ATP8A2: variants seen among roughly 807,000 people sequenced by gnomAD.
ATP8A2 encodes the protein phospholipid-transporting ATPase IB.
Under a neutral mutation model 165.6 loss-of-function variants are expected in ATP8A2, and 100 were observed. The ratio of observed to expected loss-of-function variants is 0.60; its 90% confidence interval spans 0.51 to 0.71. ATP8A2 has a LOEUF of 0.71. Ranked by LOEUF, ATP8A2 falls within the 30% of genes least tolerant of loss-of-function variation. The pLI is 0.00. For missense variants in ATP8A2, 1,227 were observed against 1,479.5 expected, an observed-to-expected ratio of 0.83 and a Z score of 2.80; for synonymous variants, 543 against 548.8, an observed-to-expected ratio of 0.99 and a Z score of 0.15.
intron 33 of ATP8A2, among the ~76,000 whole-genome samples, chr13:25,874,025 T>G (rs1054915780): frequency 6.6e-6 from 1 of 152,236 alleles, no homozygotes; most frequent in Non-Finnish European, 1.5e-5. Context: ...ACAATTGCAG[T>G]AGTCTCATGA....
intron 2 of ATP8A2, among the ~76,000 whole-genome samples, chr13:25,527,752 A>G (rs2037887359): frequency 6.6e-6 from 1 of 152,000 alleles, no homozygotes; most frequent in Admixed American, 6.6e-5. Context: ...TCAACTCTCC[A>G]TCTTCATGGT....
At chr13:25,627,550 G>A (rs1181808737) in intron 24 of ATP8A2, among the ~76,000 whole-genome samples, 1 of 152,128 alleles carries the variant, frequency 6.6e-6, no homozygotes, top group Non-Finnish European at 1.5e-5. Flanking sequence ...CCATCTCAAC[G>A]CCATGTGAGA....
chr13:25,394,093 T>C (rs914993595), intron 1 of ATP8A2, among the ~76,000 whole-genome samples: 3 of 152,264 alleles, frequency 2.0e-5, no homozygotes, highest in Non-Finnish European at 2.9e-5. Flanking sequence ...GAATGATCAC[T>C]GTAACTGTCA....
intron 35 of ATP8A2, among the ~76,000 whole-genome samples, chr13:26,005,758 G>A (rs1311867027): frequency 6.6e-6 from 1 of 151,970 alleles, no homozygotes. Flanking sequence ...AGCACCATTT[G>A]CTGGAGAGAT....
chr13:25,450,756 C>T (rs1437539244), intron 1 of ATP8A2, among the ~76,000 whole-genome samples: 3 of 152,024 alleles, frequency 2.0e-5, no homozygotes, highest in African/African-American at 7.3e-5. Context: ...TGGTCTCAAT[C>T]TCCTGACCTC....
intron 1 of ATP8A2, among the ~76,000 whole-genome samples, chr13:25,465,737 T>TCCC (rs1566153581): frequency 3.7e-3 from 21 of 5,614 alleles, no homozygotes; most frequent in South Asian, 9.6e-3. Flanking sequence ...CTTTCTTTCT[T>TCCC]TCCCTCCCTC....
At chr13:25,386,410 T>A (rs1291721674) in intron 1 of ATP8A2, among the ~76,000 whole-genome samples, 1 of 152,190 alleles carries the variant, frequency 6.6e-6, no homozygotes, top group Non-Finnish European at 1.5e-5. Flanking sequence ...GATGGGAATA[T>A]CGAGGCAGGC....
In ATP8A2 at chr13:25,415,156, A is replaced by G. The variant is rs150491836; in HGVS notation, c.76+42868A>G. ...TACAGATCCAATAGCACAGAATGTT[A>G]TTCACTGTCACGTTTGCCTATGAAC... On this transcript the variant is annotated intron_variant, in intron 1 of 36. Transcript: ENST00000381655. Among the ~76,000 whole-genome samples the G allele has an allele frequency of 5.6e-3, 859 of 152,354 alleles. 8 individuals carry two copies. The highest frequency in any genetic ancestry group is 0.02 in the African/African-American group (812 of 41,588).
intron 27 of ATP8A2, among the ~76,000 whole-genome samples, chr13:25,824,492 G>T (rs530999081): frequency 6.6e-6 from 1 of 152,122 alleles, no homozygotes. Flanking sequence ...TTTCATGTGC[G>T]TTTGTCATAT....
chr13:25,655,029 G>GT (rs971026127), intron 24 of ATP8A2, among the ~76,000 whole-genome samples: 3 of 152,136 alleles, frequency 2.0e-5, no homozygotes, highest in African/African-American at 4.8e-5. Context: ...GAGACTAAGT[G>GT]TTTTTTTACA....
chr13:25,527,711 T>C (rs1352089304), intron 2 of ATP8A2, among the ~76,000 whole-genome samples: 1 of 152,142 alleles, frequency 6.6e-6, no homozygotes, highest in African/African-American at 2.4e-5. Context: ...TTATATTTCA[T>C]TTTTTGCCAC....
chr13:25,936,824 G>A (rs73472972), intron 33 of ATP8A2, among the ~76,000 whole-genome samples: 2,376 of 152,276 alleles, frequency 0.016, 59 homozygotes, highest in African/African-American at 0.05. Context: ...TCCACTGATG[G>A]TATTGTCTAC....
chr13:25,885,038 A>G (rs1343339632), intron 33 of ATP8A2, among the ~76,000 whole-genome samples: 1 of 149,506 alleles, frequency 6.7e-6, no homozygotes, highest in Admixed American at 6.7e-5. Flanking sequence ...GCTGGCCTCC[A>G]TGTCCTGGTC....
At position 25,372,319 on chromosome 13, in the gene ATP8A2, TG is replaced by T; in HGVS notation, c.76+34del. 5.9e-6 allele frequency: 3 copies of T among 507,864 alleles called. No homozygotes were observed. The highest frequency in any genetic ancestry group is 1.2e-3 in the Middle Eastern group (2 of 1,736). 31.5% of individuals were successfully genotyped at this position (507,864 alleles called of 1,614,324 possible). A position where few individuals can be genotyped will look rare whatever the true frequency, so the allele number is the denominator to read the frequency against. On this transcript the variant is annotated intron_variant, in intron 1 of 36. Coordinates refer to ENST00000381655, the MANE Select transcript of ATP8A2 (RefSeq NM_016529.6). This position sits in a 1 kb window ranked among gnomAD's most constrained non-coding sequence, Gnocchi z 4.8. ...CTGGGAGGGGCGCGGCGAGGGAGGG[TG>T]GGCCCGGGGCGGGGGCGGCGCGGGG...
At chr13:25,457,715 G>T (rs1338161926) in intron 1 of ATP8A2, among the ~76,000 whole-genome samples, 1 of 152,240 alleles carries the variant, frequency 6.6e-6, no homozygotes, top group African/African-American at 2.4e-5. Flanking sequence ...CTTGGATTCA[G>T]ATGATTGCAT....
At chr13:25,499,038 T>C (rs1457706715) in intron 2 of ATP8A2, among the ~76,000 whole-genome samples, 3 of 152,232 alleles carry the variant, frequency 2.0e-5, no homozygotes, top group African/African-American at 7.2e-5. Flanking sequence ...AGATTCCTTA[T>C]ATTTGACAAT....
intron 2 of ATP8A2, among the ~76,000 whole-genome samples, chr13:25,501,965 CG>C (rs1285878416): frequency 2.0e-5 from 3 of 152,268 alleles, no homozygotes; most frequent in Admixed American, 2.0e-4. Flanking sequence ...GAAAGACATG[CG>C]TGGAAGCAAA....
rs146424631 is a variant in ATP8A2, at chr13:26,006,671, G to T, written c.3378-5860G>T. On this transcript the variant is annotated intron_variant, in intron 35 of 36. Transcript: ENST00000381655. ...TTTTTTAAATTAATGCTCTTTTCAT[G>T]ATAAGGAATTTCCCTTATATCTTTA... is the stretch of plus-strand genomic sequence containing the variant. Among the ~76,000 whole-genome samples the T allele has an allele frequency of 6.2e-3, 946 of 151,922 alleles. 5 individuals carry two copies. The highest frequency in any genetic ancestry group is 0.027 in the Middle Eastern group (8 of 294).
chr13:25,514,136 T>A (rs1566206675), intron 2 of ATP8A2, among the ~76,000 whole-genome samples: 2 of 152,232 alleles, frequency 1.3e-5, no homozygotes, highest in Non-Finnish European at 2.9e-5. Flanking sequence ...AGCTTTATTT[T>A]TCACTTCCTT....
Sources: gnomAD v4.1 joint callset for allele counts (sites outside exome capture counted in the v4.1 genomes callset) on GRCh38, gnomAD v4.1.1 for gene constraint, Gnocchi (gnomAD v3.1) non-coding constraint, MANE v1.5 for transcripts, NCBI Gene and HGNC (gene_info 2026-07-23, HGNC 2026-07-21) for gene names.